Variants in SYT1 observed in about 807,000 individuals in gnomAD.
The protein encoded by SYT1 is synaptotagmin-1.
In SYT1, 8 loss-of-function variants were observed where a neutral mutation model predicts 44.8. The ratio of observed to expected loss-of-function variants is 0.18; its 90% CI spans 0.10 to 0.32. SYT1 has a LOEUF of 0.32. Among genes scored for constraint, SYT1 ranks in the 10% least tolerant of loss-of-function variants. The pLI is 1.00. For synonymous variants in SYT1, 154 were observed against 188.8 expected, an observed-to-expected ratio of 0.82 and a Z score of 1.51; for missense variants, 286 against 509.3, an observed-to-expected ratio of 0.56 and a Z score of 4.22.
intron 3 of SYT1, 145 bp from the exon 4 acceptor site, chr12:79,217,358 C>T: frequency 3.3e-6 from 2 of 601,532 alleles, no homozygotes; most frequent in Non-Finnish European, 2.6e-6. Context: ...TTTCATTTAC[C>T]AACACAAAGC....
chr12:79,300,199 A>C (rs1855998230), intron 8 of SYT1, among the ~76,000 whole-genome samples: 1 of 152,182 alleles, frequency 6.6e-6, no homozygotes, highest in Non-Finnish European at 1.5e-5. Context: ...TAGTGCATTT[A>C]AGCTTCATAA....
chr12:78,988,139 T>C (rs958964007), intron 2 of SYT1, among the ~76,000 whole-genome samples: 1 of 151,968 alleles, frequency 6.6e-6, no homozygotes, highest in African/African-American at 2.4e-5. Flanking sequence ...ATTTTTTTTT[T>C]CAAAATGTAC....
chr12:79,167,947 C>T (rs1871310815), intron 3 of SYT1, among the ~76,000 whole-genome samples: 1 of 152,014 alleles, frequency 6.6e-6, no homozygotes, highest in African/African-American at 2.4e-5. Context: ...AGGGTTCACT[C>T]ACCACAGGGT....
At chr12:79,093,818 G>A (rs1013225870) in intron 3 of SYT1, among the ~76,000 whole-genome samples, 1 of 151,568 alleles carries the variant, frequency 6.6e-6, no homozygotes, top group African/African-American at 2.4e-5. Flanking sequence ...CTTATTTCTA[G>A]TAGTTTTAAT....
intron 2 of SYT1, among the ~76,000 whole-genome samples, chr12:78,994,453 ATTTTTC>A (rs1482458855): frequency 1.1e-4 from 14 of 127,270 alleles, no homozygotes; most frequent in Admixed American, 1.1e-3. Flanking sequence ...TGTCATCATA[ATTTTTC>A]TTTTTCTTTG....
At chr12:79,389,292 T>G (rs1884561822) in intron 9 of SYT1, among the ~76,000 whole-genome samples, 1 of 152,208 alleles carries the variant, frequency 6.6e-6, no homozygotes, top group Non-Finnish European at 1.5e-5. Flanking sequence ...GAATCTATAT[T>G]ACATTGTAAA....
chr12:79,153,901 A>G (rs975131542), intron 3 of SYT1, among the ~76,000 whole-genome samples: 64 of 152,142 alleles, frequency 4.2e-4, no homozygotes, highest in African/African-American at 1.5e-3. Context: ...CATGGAAATC[A>G]CTGTTGCTAA....
chr12:79,246,457 T>A (rs558564992), intron 4 of SYT1, among the ~76,000 whole-genome samples: 1 of 152,300 alleles, frequency 6.6e-6, no homozygotes, highest in East Asian at 1.9e-4. Context: ...TATGTGCGAC[T>A]GGATAATTTT....
intron 3 of SYT1, among the ~76,000 whole-genome samples, chr12:79,188,166 T>G (rs1872910309): frequency 6.6e-6 from 1 of 152,138 alleles, no homozygotes; most frequent in South Asian, 2.1e-4. Flanking sequence ...GTTCCCTTTT[T>G]CATCCAGAGA....
At chr12:79,277,168 A>G (rs1450442663) in intron 4 of SYT1, among the ~76,000 whole-genome samples, 3 of 152,228 alleles carry the variant, frequency 2.0e-5, no homozygotes, top group East Asian at 1.9e-4. Context: ...CAAAAAGGAT[A>G]TCACCACAGT....
intron 3 of SYT1, among the ~76,000 whole-genome samples, chr12:79,215,874 A>G (rs80343768): frequency 6.7e-6 from 1 of 148,456 alleles, no homozygotes. Flanking sequence ...TTCACTAAAT[A>G]TGTAACTATG....
intron 3 of SYT1, among the ~76,000 whole-genome samples, chr12:79,068,268 T>A (rs1876014971): frequency 6.6e-6 from 1 of 152,180 alleles, no homozygotes; most frequent in South Asian, 2.1e-4. Context: ...GAGATTCCAA[T>A]TAGTAAATTA....
intron 3 of SYT1, among the ~76,000 whole-genome samples, chr12:79,050,049 A>C (rs913486591): frequency 7.2e-5 from 11 of 152,072 alleles, no homozygotes; most frequent in African/African-American, 2.7e-4. Flanking sequence ...CTAAAATTCC[A>C]TGGTTAACTT....
intron 9 of SYT1, among the ~76,000 whole-genome samples, chr12:79,439,843 C>G (rs375140217): frequency 6.6e-6 from 1 of 151,848 alleles, no homozygotes; most frequent in African/African-American, 2.4e-5. Flanking sequence ...CTTGTAAACA[C>G]TGTACTAAAT....
intron 1 of SYT1, among the ~76,000 whole-genome samples, chr12:78,870,111 G>A (rs936628448): frequency 5.9e-5 from 9 of 151,982 alleles, no homozygotes; most frequent in African/African-American, 1.9e-4. Flanking sequence ...GTAAGAATTC[G>A]GTGAAACTAC....
chr12:79,152,037 A>T (rs989281558), intron 3 of SYT1, among the ~76,000 whole-genome samples: 1 of 152,168 alleles, frequency 6.6e-6, no homozygotes, highest in Non-Finnish European at 1.5e-5. Context: ...CTAGAAGAAC[A>T]GTAGAGAATG....
chr12:79,390,609 A>G (rs1358882068), intron 9 of SYT1, among the ~76,000 whole-genome samples: 2 of 152,100 alleles, frequency 1.3e-5, no homozygotes, highest in Non-Finnish European at 2.9e-5. Context: ...ACTCCCCGCC[A>G]TGGAAAATGA....
At chr12:79,403,232 G>A (rs1885131618) in intron 9 of SYT1, among the ~76,000 whole-genome samples, 1 of 152,152 alleles carries the variant, frequency 6.6e-6, no homozygotes, top group Non-Finnish European at 1.5e-5. Flanking sequence ...ATTCCCCAGA[G>A]AAACAGAACC....
At chr12:78,919,582 C>G (rs1030969900) in intron 1 of SYT1, among the ~76,000 whole-genome samples, 7 of 151,994 alleles carry the variant, frequency 4.6e-5, no homozygotes, top group Admixed American at 3.3e-4. Flanking sequence ...ATATTACCAC[C>G]CCATTTCCCA....
Sources: gnomAD v4.1 joint callset for allele counts (sites outside exome capture counted in the v4.1 genomes callset) on GRCh38, gnomAD v4.1.1 for gene constraint, MANE v1.5 for transcripts, NCBI Gene and HGNC (gene_info 2026-07-23, HGNC 2026-07-21) for gene names.